MACROD2: variants seen among roughly 807,000 people sequenced by gnomAD.
MACROD2 encodes the protein mono-ADP ribosylhydrolase 2, also known as ADP-ribose glycohydrolase MACROD2.
In MACROD2, 36 loss-of-function variants were observed where a neutral mutation model predicts 70.4. The observed-to-expected ratio is 0.51, with a 90% confidence interval of 0.39 to 0.68. The LOEUF is 0.68. Ranked by LOEUF, MACROD2 falls within the 30% of genes least tolerant of loss-of-function variation. The probability of loss-of-function intolerance (pLI) is 0.00; values close to 1 mark genes in which losing one functional copy is unlikely to be tolerated. For missense variants in MACROD2, 496 were observed against 538.4 expected (o/e 0.92, Z 0.78); for synonymous variants, 172 against 178.8 (o/e 0.96, Z 0.30).
At chr20:14,216,957 T>C (rs1329018651) in intron 3 of MACROD2, among the ~76,000 whole-genome samples, 1 of 152,084 alleles carries the variant, frequency 6.6e-6, no homozygotes, top group African/African-American at 2.4e-5. Context: ...TCATAAAAAA[T>C]GACAGTTTTA....
intron 5 of MACROD2, among the ~76,000 whole-genome samples, chr20:15,056,278 G>GC: frequency 6.6e-6 from 1 of 152,196 alleles, no homozygotes; most frequent in African/African-American, 2.4e-5. Flanking sequence ...AGATAACTTC[G>GC]CCTCGTCCTG....
At chr20:15,262,664 A>G (rs1434216858) in intron 6 of MACROD2, among the ~76,000 whole-genome samples, 2 of 152,122 alleles carry the variant, frequency 1.3e-5, no homozygotes, top group African/African-American at 2.4e-5. Context: ...ATTCCCACCA[A>G]CAGTGTACAA....
At chr20:14,151,654 T>C (rs79088825) in intron 3 of MACROD2, among the ~76,000 whole-genome samples, 1,805 of 152,208 alleles carry the variant, frequency 0.012, 32 homozygotes, top group African/African-American at 0.04. Flanking sequence ...GTAATTATTT[T>C]TGAAAGAAAA....
chr20:15,245,007 T>A (rs1466904381), intron 6 of MACROD2, among the ~76,000 whole-genome samples: 2 of 152,212 alleles, frequency 1.3e-5, no homozygotes, highest in East Asian at 3.8e-4. Flanking sequence ...TGTGGCACTA[T>A]CACCAAAATA....
intron 8 of MACROD2, among the ~76,000 whole-genome samples, chr20:15,809,767 C>A (rs1388047715): frequency 1.3e-5 from 2 of 151,908 alleles, no homozygotes; most frequent in Non-Finnish European, 2.9e-5. Flanking sequence ...ATCCCCTTTG[C>A]CTGGAACTCT....
At chr20:14,758,042 C>T (rs544552267) in intron 5 of MACROD2, 26 of 657,776 alleles carry the variant, frequency 4.0e-5, no homozygotes, top group African/African-American at 3.4e-4. Context: ...TGGACATGGT[C>T]GGCCACCTCA....
At chr20:14,796,359 A>G (rs549252601) in intron 5 of MACROD2, among the ~76,000 whole-genome samples, 1 of 152,200 alleles carries the variant, frequency 6.6e-6, no homozygotes, top group East Asian at 1.9e-4. Flanking sequence ...TGGGAAAGCC[A>G]GTAGTAACCA....
chr20:15,438,291 C>T (rs566693106), intron 7 of MACROD2, among the ~76,000 whole-genome samples: 30 of 152,256 alleles, frequency 2.0e-4, no homozygotes, highest in South Asian at 6.2e-4. Context: ...ATTCACACTC[C>T]GACCAACAGT....
chr20:15,034,461 C>A (rs924824929), intron 5 of MACROD2, among the ~76,000 whole-genome samples: 1 of 152,106 alleles, frequency 6.6e-6, no homozygotes, highest in African/African-American at 2.4e-5. Context: ...TTCCCCCAGC[C>A]CCCTCAGTTT....
intron 5 of MACROD2, among the ~76,000 whole-genome samples, chr20:14,952,506 A>G (rs1343891746): frequency 6.6e-6 from 1 of 152,148 alleles, no homozygotes; most frequent in African/African-American, 2.4e-5. Context: ...AGTTGACCTT[A>G]TGCAGGGAAC....
At chr20:14,883,422 A>T (rs1011454568) in intron 5 of MACROD2, among the ~76,000 whole-genome samples, 4 of 152,154 alleles carry the variant, frequency 2.6e-5, no homozygotes, top group Non-Finnish European at 5.9e-5. Flanking sequence ...AAGTCTACCT[A>T]CATGGTTTCT....
chr20:15,505,649 C>T (rs2047416928), intron 8 of MACROD2, among the ~76,000 whole-genome samples: 1 of 152,170 alleles, frequency 6.6e-6, no homozygotes, highest in Non-Finnish European at 1.5e-5. Context: ...TGCTCTCCTC[C>T]CTAGACAGAT....
At chr20:14,334,011 C>G (rs894897806) in intron 3 of MACROD2, among the ~76,000 whole-genome samples, 1 of 152,198 alleles carries the variant, frequency 6.6e-6, no homozygotes, top group East Asian at 1.9e-4. Context: ...ATTTCTCCCT[C>G]CTTTGATTTA....
At chr20:15,268,679 T>C (rs527484976) in intron 6 of MACROD2, among the ~76,000 whole-genome samples, 1 of 152,200 alleles carries the variant, frequency 6.6e-6, no homozygotes, top group East Asian at 1.9e-4. Flanking sequence ...AAATTGAAAT[T>C]CCCTTCCCTT....
chr20:15,686,328 C>T (rs915070851), intron 8 of MACROD2, among the ~76,000 whole-genome samples: 1 of 152,122 alleles, frequency 6.6e-6, no homozygotes. Context: ...GTGGATGTCT[C>T]ATTCTTCAAC....
chr20:15,371,139 A>G (rs2045485963), intron 6 of MACROD2, among the ~76,000 whole-genome samples: 1 of 152,102 alleles, frequency 6.6e-6, no homozygotes, highest in Non-Finnish European at 1.5e-5. Context: ...ATAGAACAAA[A>G]CAAACAAAAC....
chr20:14,995,991 T>C (rs1409300703), intron 5 of MACROD2, among the ~76,000 whole-genome samples: 1 of 152,218 alleles, frequency 6.6e-6, no homozygotes, highest in African/African-American at 2.4e-5. Context: ...AACAAACACA[T>C]AATAGAGAAA....
intron 5 of MACROD2, among the ~76,000 whole-genome samples, chr20:14,826,095 C>A (rs1241287889): frequency 6.6e-6 from 1 of 152,020 alleles, no homozygotes; most frequent in Admixed American, 6.6e-5. Context: ...AAAGTAATGG[C>A]TGTTTTTAAA....
At chr20:14,386,974 A>G (rs1052816152) in intron 3 of MACROD2, among the ~76,000 whole-genome samples, 1 of 152,228 alleles carries the variant, frequency 6.6e-6, no homozygotes, top group Admixed American at 6.5e-5. Flanking sequence ...GAACACCAGT[A>G]ATAGAATCAA....
Sources: allele counts gnomAD v4.1 joint callset (sites outside exome capture counted in the v4.1 genomes callset), GRCh38; gene constraint gnomAD v4.1.1; transcripts MANE v1.5; gene names NCBI Gene and HGNC (gene_info 2026-07-23, HGNC 2026-07-21).